SLA2: variants seen among roughly 807,000 people sequenced by gnomAD.
The protein encoded by SLA2 is Src like adaptor 2.
SLA2 carries 22 observed loss-of-function variants against 27.3 expected under a neutral mutation model. The observed-to-expected ratio is 0.81, with a 90% CI of 0.58 to 1.15. The LOEUF (loss-of-function observed/expected upper bound fraction) is 1.15, where lower values mean the gene tolerates loss of function less well. Among genes scored for constraint, SLA2 ranks in the 50% most tolerant of loss-of-function variants. The probability of loss-of-function intolerance (pLI) is 0.00; values close to 1 mark genes in which losing one functional copy is unlikely to be tolerated. For synonymous variants in SLA2, 131 were observed against 137.8 expected, an observed-to-expected ratio of 0.95 and a Z score of 0.34; for missense variants, 304 against 322.2, an observed-to-expected ratio of 0.94 and a Z score of 0.43.
In SLA2 at chr20:36,636,633, T is replaced by A. The variant is rs1281652805; in HGVS notation, c.92-2044A>T. On this transcript the variant is annotated intron_variant, in intron 2 of 7. Transcript: ENST00000262866. Reference sequence around the variant, plus strand: ...AAAGAAAAAAAAAAAAATATATATATATATATATATATATATATATGGTTG... The same window carrying A: ...AAAGAAAAAAAAAAAAATATATATAAATATATATATATATATATATGGTTG... 5.7e-3 allele frequency among the ~76,000 whole-genome samples: 756 copies of A among 132,934 alleles called. 9 individuals are homozygous for A. Among genetic ancestry groups the A allele is most frequent in the African/African-American group, 0.02 (696 of 34,568 alleles). 87.2% of individuals were successfully genotyped at this position (132,934 alleles called of 152,430 possible).
chr20:36,632,149 A>G lies in SLA2; in HGVS notation c.382+446T>C, dbSNP rs74429873. 6.6e-5 allele frequency among the ~76,000 whole-genome samples: 10 copies of G among 152,196 alleles called. No homozygotes were observed. The East Asian group carries it at 1.9e-3, about 30-fold the overall frequency. ...TGAGTAGCAACCCCACTGCCTTGGG[A>G]GAAAACCAAAGCTTCTCAGCTCGGC... On this transcript the variant is annotated intron_variant, in intron 5 of 7. Transcript: ENST00000262866.
chr20:36,632,803 T>G (rs761416332), intron 4 of SLA2, 105 bp from the exon 5 acceptor site: 22 of 835,726 alleles, frequency 2.6e-5, no homozygotes, highest in African/African-American at 6.8e-5. Context: ...GCCCTCCCTC[T>G]CTGGGCCTCA....
intron 3 of SLA2, 93 bp downstream of exon 3, chr20:36,634,397 C>T (rs2039422748): frequency 1.0e-6 from 1 of 974,874 alleles, no homozygotes; most frequent in Non-Finnish European, 1.5e-6. Flanking sequence ...GATTCTCCCA[C>T]CTAAGCCTCC....
At chr20:36,629,594 T>C (rs2039373676) in intron 5 of SLA2, among the ~76,000 whole-genome samples, 1 of 151,848 alleles carries the variant, frequency 6.6e-6, no homozygotes, top group African/African-American at 2.4e-5. Flanking sequence ...GCCAACATGA[T>C]GAAACCCTGT....
chr20:36,619,593 C>T (rs556264508), intron 5 of SLA2, among the ~76,000 whole-genome samples: 15 of 150,746 alleles, frequency 1.0e-4, no homozygotes, highest in African/African-American at 3.6e-4. Context: ...CCAGCCTGGT[C>T]AACATAGAGA....
intron 4 of SLA2, 144 bp downstream of exon 4, chr20:36,633,399 T>C (rs2039411911): frequency 1.4e-6 from 1 of 692,394 alleles, no homozygotes; most frequent in Non-Finnish European, 2.6e-6. Context: ...TAGGATGAGC[T>C]GTCTGCCCCT....
rs1180252036 is a variant in SLA2, at chr20:36,621,381, A to T, written c.383-6007T>A. Reference sequence around the variant, plus strand: ...GCAGTCCCTATGGTGGTGCTTATGGATGTGGTGGTGTAAGTGGTAGATATA... The same window carrying T: ...GCAGTCCCTATGGTGGTGCTTATGGTTGTGGTGGTGTAAGTGGTAGATATA... On this transcript the variant is annotated intron_variant, in intron 5 of 7. Transcript: ENST00000262866. 1.2e-5 allele frequency: 7 copies of T among 591,752 alleles called. No homozygotes were observed. In the East Asian group the frequency reaches 2.4e-4, roughly 20 times the overall value. 36.7% of individuals were successfully genotyped at this position (591,752 alleles called of 1,614,324 possible).
chr20:36,622,116 T>TC (rs1254429663), intron 5 of SLA2, among the ~76,000 whole-genome samples: 1 of 150,768 alleles, frequency 6.6e-6, no homozygotes, highest in African/African-American at 2.4e-5. Context: ...GGCCAGGAGT[T>TC]CAAGACCAGC....
intron 1 of SLA2, among the ~76,000 whole-genome samples, chr20:36,644,866 GTGT>G (rs1978286561): frequency 1.1e-5 from 1 of 92,772 alleles, no homozygotes; most frequent in African/African-American, 4.3e-5. Flanking sequence ...CCAGAATATT[GTGT>G]TTTTTTTTTT....
chr20:36,626,122 A>C (rs927716519), intron 5 of SLA2, among the ~76,000 whole-genome samples: 11 of 151,438 alleles, frequency 7.3e-5, no homozygotes, highest in African/African-American at 2.7e-4. Flanking sequence ...AGCTGGGCGC[A>C]GTGGCTCATG....
chr20:36,614,284 T>G, intron 7 of SLA2, 21 bp downstream of exon 7: 1 of 1,614,156 alleles, frequency 6.2e-7, no homozygotes, highest in Non-Finnish European at 8.5e-7. Context: ...CTTTCATGTT[T>G]CCAGGAGTCC....
intron 3 of SLA2, among the ~76,000 whole-genome samples, chr20:36,634,277 C>T (rs189387876): frequency 2.0e-5 from 3 of 152,096 alleles, no homozygotes; most frequent in African/African-American, 7.2e-5. Flanking sequence ...TGAGCTACCA[C>T]GCCTGGCCCA....
intron 2 of SLA2, among the ~76,000 whole-genome samples, chr20:36,636,448 A>AT (rs2039448059): frequency 7.1e-6 from 1 of 140,108 alleles, no homozygotes; most frequent in Non-Finnish European, 1.5e-5. Flanking sequence ...AAAAAAAAAA[A>AT]TACAAAATTA....
At chr20:36,614,472 C>T in intron 6 of SLA2, 35 bp from the exon 7 acceptor site, 2 of 1,565,742 alleles carry the variant, frequency 1.3e-6, no homozygotes, top group Non-Finnish European at 1.7e-6. Flanking sequence ...ACATGACTGA[C>T]TCCACCCTAC....
intron 2 of SLA2, among the ~76,000 whole-genome samples, chr20:36,639,784 G>A (rs573943194): frequency 2.2e-4 from 33 of 150,890 alleles, no homozygotes; most frequent in African/African-American, 4.6e-4. Context: ...TGGCGTGAAC[G>A]CAGCAGGCGG....
intron 2 of SLA2, among the ~76,000 whole-genome samples, chr20:36,638,584 C>T (rs551433339): frequency 9.6e-4 from 146 of 152,262 alleles, no homozygotes; most frequent in African/African-American, 3.3e-3. Context: ...CTGCCTCAGC[C>T]TTCCAAAGTG....
intron 5 of SLA2, among the ~76,000 whole-genome samples, chr20:36,628,341 C>T (rs114854243): frequency 0.019 from 2,922 of 152,196 alleles, 92 homozygotes; most frequent in African/African-American, 0.067. Context: ...AGTTTTATGA[C>T]GCAATGTTTA....
At chr20:36,640,445 G>A (rs1358623570) in intron 2 of SLA2, among the ~76,000 whole-genome samples, 1 of 151,954 alleles carries the variant, frequency 6.6e-6, no homozygotes, top group East Asian at 1.9e-4. Context: ...TGTCTAACAA[G>A]GTGGTCACTT....
At chr20:36,622,761 C>A (rs2039297715) in intron 5 of SLA2, among the ~76,000 whole-genome samples, 1 of 152,190 alleles carries the variant, frequency 6.6e-6, no homozygotes. Context: ...CCTCCTACCT[C>A]CCTCTCGTAA....
Sources: gnomAD v4.1 joint callset for allele counts (sites outside exome capture counted in the v4.1 genomes callset) on GRCh38, gnomAD v4.1.1 for gene constraint, MANE v1.5 for transcripts, NCBI Gene and HGNC (gene_info 2026-07-23, HGNC 2026-07-21) for gene names.